Variants in DLG2 observed in about 807,000 individuals in gnomAD.
The protein encoded by DLG2 is discs large MAGUK scaffold protein 2.
In DLG2, 45 loss-of-function variants were observed where a neutral mutation model predicts 132.5. That is an observed-to-expected ratio of 0.34 (90% CI 0.27 to 0.44). The LOEUF (loss-of-function observed/expected upper bound fraction) is 0.44. DLG2 is among the 20% of genes least tolerant of loss of function. The pLI, the probability that DLG2 is intolerant of heterozygous loss-of-function variation, is 1.00. For missense variants in DLG2, 1,045 were observed against 1,196.9 expected, an observed-to-expected ratio of 0.87 and a Z score of 1.87; for synonymous variants, 424 against 419.6, an observed-to-expected ratio of 1.01 and a Z score of -0.13.
At chr11:84,212,419 C>A (rs926551583) in intron 8 of DLG2, among the ~76,000 whole-genome samples, 6 of 152,154 alleles carry the variant, frequency 3.9e-5, no homozygotes, top group Admixed American at 1.3e-4. Context: ...TTGCTGCAAT[C>A]CCCCTTGGGG....
intron 3 of DLG2, among the ~76,000 whole-genome samples, chr11:85,462,804 A>T (rs987670119): frequency 3.5e-4 from 53 of 150,410 alleles, no homozygotes; most frequent in Non-Finnish European, 5.0e-4. Flanking sequence ...AGTATAATTT[A>T]AAAAAAAAAA....
At chr11:84,081,666 G>A (rs118027929) in intron 10 of DLG2, among the ~76,000 whole-genome samples, 2,096 of 152,288 alleles carry the variant, frequency 0.014, 20 homozygotes, top group Non-Finnish European at 0.02. Flanking sequence ...TTATGTAGCT[G>A]CATAGTATTC....
chr11:83,643,420 T>A (rs928654398), intron 18 of DLG2, among the ~76,000 whole-genome samples: 3 of 152,182 alleles, frequency 2.0e-5, no homozygotes, highest in African/African-American at 7.2e-5. Flanking sequence ...GCACAAATTG[T>A]AGTTTAATTG....
intron 10 of DLG2, among the ~76,000 whole-genome samples, chr11:84,087,360 T>C (rs1275966019): frequency 6.6e-6 from 1 of 152,226 alleles, no homozygotes; most frequent in East Asian, 1.9e-4. Context: ...GGGTATAAAG[T>C]GGTATCTCCC....
At chr11:84,513,019 G>T (rs1365705506) in intron 7 of DLG2, among the ~76,000 whole-genome samples, 1 of 151,998 alleles carries the variant, frequency 6.6e-6, no homozygotes, top group Admixed American at 6.6e-5. Context: ...AGAGGATTAG[G>T]ACAAATACCT....
chr11:83,887,271 C>T (rs1391511315), intron 15 of DLG2, among the ~76,000 whole-genome samples: 2 of 152,002 alleles, frequency 1.3e-5, no homozygotes, highest in African/African-American at 4.8e-5. Context: ...GGGGATATCA[C>T]CACCGATCTC....
intron 6 of DLG2, among the ~76,000 whole-genome samples, chr11:84,799,873 A>G (rs2075152573): frequency 6.6e-6 from 1 of 152,180 alleles, no homozygotes; most frequent in Non-Finnish European, 1.5e-5. Flanking sequence ...TAAAGCAGTA[A>G]CAGTAATAAA....
At chr11:83,915,330 G>T (rs1459277633) in intron 15 of DLG2, among the ~76,000 whole-genome samples, 1 of 152,102 alleles carries the variant, frequency 6.6e-6, no homozygotes. Flanking sequence ...GAGTATTAAG[G>T]ATTAGTTTTA....
Position 85,452,069 on chromosome 11 carries a change from G to GA in DLG2, c.40+146587dup, listed in dbSNP as rs560525075. ...TAAAAGCAAATCTTTACTCTTTAAA[G>GA]AAAAAATACAAACTGTGGTATTTTT... On this transcript the variant is annotated intron_variant, in intron 3 of 27. Transcript: ENST00000376104. Among the ~76,000 whole-genome samples the GA allele has an allele frequency of 1.9e-3, 294 of 151,816 alleles. 1 individual carries two copies. Among genetic ancestry groups the GA allele is most frequent in the East Asian group, 8.3e-3 (43 of 5,176 alleles).
chr11:85,159,040 T>C (rs1392292735), intron 4 of DLG2, among the ~76,000 whole-genome samples: 4 of 152,180 alleles, frequency 2.6e-5, no homozygotes, highest in South Asian at 2.1e-4. Flanking sequence ...ATTTATACTG[T>C]TAATTTTTCT....
rs530420300 is a variant in DLG2, at chr11:83,983,879, T to C, written c.920-3237A>G. ...ACTGTTACTTTATTATACATGAAAA[T>C]AGGGAAGTTTTAAAAAATGTATTTA... On this transcript the variant is annotated intron_variant, in intron 11 of 27. Coordinates refer to ENST00000376104, the MANE Select transcript of DLG2 (RefSeq NM_001142699.3). Among the ~76,000 whole-genome samples the C allele has an allele frequency of 8.6e-5, 13 of 151,998 alleles. 1 individual carries two copies. The South Asian group carries it at 2.7e-3, about 32-fold the overall frequency.
At chr11:83,828,778 A>C (rs529331598) in intron 17 of DLG2, among the ~76,000 whole-genome samples, 1 of 152,330 alleles carries the variant, frequency 6.6e-6, no homozygotes, top group South Asian at 2.1e-4. Context: ...AGTTGATAGT[A>C]ATAGCAACAC....
At chr11:83,931,903 T>G (rs2154131354) in intron 14 of DLG2, among the ~76,000 whole-genome samples, 1 of 152,330 alleles carries the variant, frequency 6.6e-6, no homozygotes, top group South Asian at 2.1e-4. Context: ...GTTCAAAGTC[T>G]TATCAACACA....
intron 8 of DLG2, among the ~76,000 whole-genome samples, chr11:84,183,369 A>G (rs1192931798): frequency 6.6e-6 from 1 of 152,134 alleles, no homozygotes; most frequent in South Asian, 2.1e-4. Context: ...GTGGATGTCA[A>G]TGCCCGTGTG....
intron 18 of DLG2, among the ~76,000 whole-genome samples, chr11:83,681,489 C>A (rs1350462600): frequency 2.6e-5 from 4 of 152,166 alleles, no homozygotes; most frequent in Non-Finnish European, 5.9e-5. Flanking sequence ...GTCCGTCCTG[C>A]GGGTACGTCG....
At chr11:83,701,411 C>T (rs2082915170) in intron 18 of DLG2, among the ~76,000 whole-genome samples, 1 of 151,948 alleles carries the variant, frequency 6.6e-6, no homozygotes, top group African/African-American at 2.4e-5. Context: ...AAATATTAGC[C>T]CTGATCATAA....
intron 6 of DLG2, among the ~76,000 whole-genome samples, chr11:84,766,574 G>C (rs1238975263): frequency 6.6e-6 from 1 of 152,014 alleles, no homozygotes; most frequent in Non-Finnish European, 1.5e-5. Context: ...GTAAATAATT[G>C]TTAAACAAAT....
At chr11:84,522,018 A>G (rs2099303454) in intron 7 of DLG2, among the ~76,000 whole-genome samples, 1 of 152,008 alleles carries the variant, frequency 6.6e-6, no homozygotes, top group Non-Finnish European at 1.5e-5. Context: ...AAATACAAAA[A>G]TGAGTTGGGC....
chr11:83,849,807 T>A (rs777757063), intron 16 of DLG2, among the ~76,000 whole-genome samples: 1 of 151,824 alleles, frequency 6.6e-6, no homozygotes, highest in Non-Finnish European at 1.5e-5. Flanking sequence ...CGCGAATTTC[T>A]TATTTACCCA....
Sources: gnomAD v4.1 joint callset for allele counts (sites outside exome capture counted in the v4.1 genomes callset) on GRCh38, gnomAD v4.1.1 for gene constraint, MANE v1.5 for transcripts, NCBI Gene and HGNC (gene_info 2026-07-23, HGNC 2026-07-21) for gene names.